The following LRRTM4 variants were observed in gnomAD, a reference collection of about 807,000 sequenced individuals.
LRRTM4 encodes the protein leucine rich repeat transmembrane neuronal 4.
LRRTM4 carries 25 observed loss-of-function variants against 47.6 expected under a neutral mutation model. The ratio of observed to expected loss-of-function variants is 0.53; its 90% CI spans 0.38 to 0.73. The LOEUF (loss-of-function observed/expected upper bound fraction) is 0.73, where lower values mean the gene tolerates loss of function less well. Ranked by LOEUF, LRRTM4 falls within the 30% of genes least tolerant of loss-of-function variation. LRRTM4 has a pLI of 0.00. For synonymous variants in LRRTM4, 311 were observed against 269.5 expected (o/e 1.15, Z -1.51); for missense variants, 638 against 713.4 (o/e 0.89, Z 1.20).
intron 3 of LRRTM4, among the ~76,000 whole-genome samples, chr2:76,765,081 TA>T (rs2104094053): frequency 6.6e-6 from 1 of 152,282 alleles, no homozygotes; most frequent in African/African-American, 2.4e-5. Flanking sequence ...CAAAAAAGAT[TA>T]TTTTTGAGAC....
intron 3 of LRRTM4, among the ~76,000 whole-genome samples, chr2:77,242,505 A>C (rs1360206189): frequency 6.6e-6 from 1 of 152,114 alleles, no homozygotes; most frequent in Non-Finnish European, 1.5e-5. Flanking sequence ...TGGACAAATA[A>C]CTTGAACAGA....
chr2:77,246,867 A>T (rs1354824515), intron 3 of LRRTM4, among the ~76,000 whole-genome samples: 1 of 152,138 alleles, frequency 6.6e-6, no homozygotes, highest in East Asian at 1.9e-4. Context: ...ACATATTATT[A>T]TCATTATTTT....
At chr2:77,006,698 G>A (rs1677663968) in intron 3 of LRRTM4, among the ~76,000 whole-genome samples, 1 of 152,112 alleles carries the variant, frequency 6.6e-6, no homozygotes, top group Non-Finnish European at 1.5e-5. Flanking sequence ...AGAAAACCGG[G>A]AGACTAGAAG....
chr2:77,205,362 GGACTGGGAGGTAAT>G (rs1413201445), intron 3 of LRRTM4, among the ~76,000 whole-genome samples: 9 of 152,270 alleles, frequency 5.9e-5, no homozygotes, highest in African/African-American at 2.2e-4. Flanking sequence ...GGAATGCAGA[GGACTGGGAGGTAAT>G]GACTGGGGTT....
chr2:77,084,865 T>G (rs900791358), intron 3 of LRRTM4, among the ~76,000 whole-genome samples: 15 of 152,188 alleles, frequency 9.9e-5, no homozygotes, highest in South Asian at 2.1e-4. Context: ...TACTAGACAA[T>G]GAATGTAGGC....
chr2:77,066,005 T>C (rs895135100), intron 3 of LRRTM4, among the ~76,000 whole-genome samples: 1 of 152,130 alleles, frequency 6.6e-6, no homozygotes, highest in Non-Finnish European at 1.5e-5. Context: ...GTATGGAATC[T>C]CTATAGAGCA....
intron 3 of LRRTM4, among the ~76,000 whole-genome samples, chr2:77,294,836 T>G (rs767606867): frequency 2.0e-5 from 3 of 152,154 alleles, no homozygotes; most frequent in Non-Finnish European, 4.4e-5. Flanking sequence ...AGAATTGAGC[T>G]CAGTTGCAAT....
At chr2:77,340,007 C>T (rs773280450) in intron 3 of LRRTM4, among the ~76,000 whole-genome samples, 3 of 151,680 alleles carry the variant, frequency 2.0e-5, no homozygotes, top group Non-Finnish European at 2.9e-5. Flanking sequence ...TACATGAAAC[C>T]GAAGGAATGC....
At chr2:77,382,943 T>A (rs1314429693) in intron 3 of LRRTM4, among the ~76,000 whole-genome samples, 2 of 152,070 alleles carry the variant, frequency 1.3e-5, no homozygotes, top group African/African-American at 4.8e-5. Context: ...ACTGAAATAA[T>A]CTAGTCTGTT....
chr2:77,155,746 A>G (rs542260689), intron 3 of LRRTM4, among the ~76,000 whole-genome samples: 1 of 152,088 alleles, frequency 6.6e-6, no homozygotes, highest in African/African-American at 2.4e-5. Flanking sequence ...CGGGAGGGGG[A>G]GGATGGGAAG....
intron 3 of LRRTM4, 53 bp from the exon 4 acceptor site, chr2:76,748,969 T>G: frequency 6.9e-7 from 1 of 1,451,316 alleles, no homozygotes; most frequent in Non-Finnish European, 9.6e-7. Flanking sequence ...TTTGGAAAGA[T>G]AGGACAGCAC....
chr2:77,522,048 A>G (rs1679535809), intron 1 of LRRTM4, 61 bp downstream of exon 1: 1 of 712,894 alleles, frequency 1.4e-6, no homozygotes, highest in African/African-American at 1.8e-5. Flanking sequence ...GCTACAGCCC[A>G]TCTCGGAGGT....
Position 76,819,433 on chromosome 2 carries a change from T to C in LRRTM4, c.1552-70517A>G, listed in dbSNP as rs192350350. Reference sequence around the variant, plus strand: ...AACATAGCAAAAGAAACCTAGAAACTAAGAAAGAGCAAGGAAACATTCTAT... The same window carrying C: ...AACATAGCAAAAGAAACCTAGAAACCAAGAAAGAGCAAGGAAACATTCTAT... On this transcript the variant is annotated intron_variant, in intron 3 of 3. Transcript: ENST00000409884. Among the ~76,000 whole-genome samples, 585 of 151,836 alleles carry C rather than the reference T, an allele frequency of 3.9e-3. 3 individuals are homozygous for C. Among genetic ancestry groups the C allele is most frequent in the Non-Finnish European group, 6.5e-3 (444 of 67,826 alleles).
chr2:76,768,230 T>C (rs148241495), intron 3 of LRRTM4, among the ~76,000 whole-genome samples: 73 of 152,258 alleles, frequency 4.8e-4, no homozygotes, highest in African/African-American at 1.5e-3. Flanking sequence ...ATTATGACAA[T>C]AGAGGAAAAG....
chr2:76,792,195 A>G (rs1331496225), intron 3 of LRRTM4, among the ~76,000 whole-genome samples: 1 of 152,162 alleles, frequency 6.6e-6, no homozygotes, highest in Admixed American at 6.5e-5. Flanking sequence ...ACAATACTTT[A>G]CCTGTAGTAT....
chr2:77,192,399 AAAC>A (rs1392232680), intron 3 of LRRTM4, among the ~76,000 whole-genome samples: 1 of 152,040 alleles, frequency 6.6e-6, no homozygotes, highest in African/African-American at 2.4e-5. Context: ...CTTTCTCATG[AAAC>A]AACATCGGGT....
At chr2:77,090,687 G>A (rs572617919) in intron 3 of LRRTM4, among the ~76,000 whole-genome samples, 1 of 152,258 alleles carries the variant, frequency 6.6e-6, no homozygotes, top group African/African-American at 2.4e-5. Context: ...GCCAAGGAAT[G>A]TCTGCAGCCC....
intron 3 of LRRTM4, among the ~76,000 whole-genome samples, chr2:76,973,481 G>A (rs1676292239): frequency 6.6e-6 from 1 of 151,848 alleles, no homozygotes; most frequent in Non-Finnish European, 1.5e-5. Context: ...AGGTAGACAT[G>A]CTATTAACTT....
Position 77,518,440 on chromosome 2 carries a change from T to C in LRRTM4, c.1429A>G (p.Met477Val). The change falls in exon 3 of 4, where the codon ATG (methionine) becomes GTG (valine). Residue 477 changes from methionine to valine, a missense_variant. By Grantham distance (21) the Met-to-Val change is conservative (BLOSUM62 1). Transcript: ENST00000409884. ...TAATACTCCTGTAAAGGGGAATTCA[T>C]TTGTCTTTCAGACTCTCTGGCCTTT... ...RKKARESERQMNSPLQEYYVD... is the reference protein window; with the variant it reads ...RKKARESERQVNSPLQEYYVD... 1 of 1,613,268 alleles carries C rather than the reference T, an allele frequency of 6.2e-7. No homozygotes were observed. The highest frequency in any genetic ancestry group is 1.1e-5 in the South Asian group (1 of 91,066).
Sources: gnomAD v4.1 joint callset for allele counts (sites outside exome capture counted in the v4.1 genomes callset) on GRCh38, gnomAD v4.1.1 for gene constraint, MANE v1.5 for transcripts, NCBI Gene and HGNC (gene_info 2026-07-23, HGNC 2026-07-21) for gene names.